The following SH3RF3 variants were observed in gnomAD, a reference collection of about 807,000 sequenced individuals.
The protein encoded by SH3RF3 is E3 ubiquitin-protein ligase SH3RF3.
A neutral mutation model predicts 66.3 loss-of-function variants in SH3RF3; 29 were observed. That is an observed-to-expected ratio of 0.44 (90% confidence interval 0.33 to 0.60). The LOEUF is 0.60. Ranked by LOEUF, SH3RF3 falls within the 20% of genes least tolerant of loss-of-function variation. The pLI, the probability that SH3RF3 is intolerant of heterozygous loss-of-function variation, is 0.04. For synonymous variants in SH3RF3, 583 were observed against 532.0 expected (o/e 1.10, Z -1.32); for missense variants, 1,194 against 1,190.9 (o/e 1.00, Z -0.04).
chr2:109,483,194 C>G (rs892872572), intron 8 of SH3RF3, among the ~76,000 whole-genome samples: 1 of 152,202 alleles, frequency 6.6e-6, no homozygotes. Flanking sequence ...TTACCTTTTC[C>G]CCATCTCCGA....
At chr2:109,250,788 A>G (rs1680070585) in intron 1 of SH3RF3, among the ~76,000 whole-genome samples, 2 of 151,950 alleles carry the variant, frequency 1.3e-5, no homozygotes, top group Admixed American at 6.5e-5. Flanking sequence ...AAAGTGCTTC[A>G]ATAGGGAATT....
intron 1 of SH3RF3, among the ~76,000 whole-genome samples, chr2:109,262,067 C>G (rs761419488): frequency 1.3e-5 from 2 of 152,224 alleles, no homozygotes; most frequent in Non-Finnish European, 2.9e-5. Context: ...CCAGCCCCAA[C>G]GGTGCCAGCA....
chr2:109,431,014 A>G (rs1024017801), intron 5 of SH3RF3, among the ~76,000 whole-genome samples: 5 of 152,228 alleles, frequency 3.3e-5, no homozygotes, highest in Non-Finnish European at 5.9e-5. Context: ...CAGATTTCAT[A>G]TTAAGGCCAA....
chr2:109,307,677 G>T (rs1210335097), intron 1 of SH3RF3, among the ~76,000 whole-genome samples: 2 of 145,192 alleles, frequency 1.4e-5, no homozygotes, highest in African/African-American at 2.7e-5. Flanking sequence ...TGTGGTGTTT[G>T]GTTTTTTGCT....
chr2:109,153,970 C>G (rs1328683350), intron 1 of SH3RF3, among the ~76,000 whole-genome samples: 1 of 152,206 alleles, frequency 6.6e-6, no homozygotes. Context: ...GACCACAGAG[C>G]ATTAAGCCAA....
chr2:109,300,495 A>G (rs924010194), intron 1 of SH3RF3, among the ~76,000 whole-genome samples: 2 of 152,132 alleles, frequency 1.3e-5, no homozygotes, highest in Non-Finnish European at 2.9e-5. Flanking sequence ...CTGAGTTTTT[A>G]TACCAGGTAA....
At position 109,179,342 on chromosome 2, in the gene SH3RF3, ACT is replaced by A. The variant is rs1352095091; in HGVS notation, c.573+49232_573+49233del. Among the ~76,000 whole-genome samples, 4 of 152,008 alleles carry A rather than the reference ACT, an allele frequency of 2.6e-5. No homozygotes were observed. In the East Asian group the frequency reaches 7.8e-4, roughly 29 times the overall value. On this transcript the variant is annotated intron_variant, in intron 1 of 9. Coordinates refer to ENST00000309415, the MANE Select transcript of SH3RF3 (RefSeq NM_001099289.3). ...TCAGAGCTGCTGACAGTGAGTCCAG[ACT>A]CTTCCTGTATTAGATGAAAAAGCAG...
chr2:109,301,200 T>G (rs144923172), intron 1 of SH3RF3, among the ~76,000 whole-genome samples: 1 of 152,196 alleles, frequency 6.6e-6, no homozygotes, highest in African/African-American at 2.4e-5. Flanking sequence ...CTGGTTCCTC[T>G]GCGCAGGCTG....
At chr2:109,155,191 G>A (rs1306159514) in intron 1 of SH3RF3, among the ~76,000 whole-genome samples, 2 of 152,208 alleles carry the variant, frequency 1.3e-5, no homozygotes, top group African/African-American at 4.8e-5. Flanking sequence ...TTGCTATGCT[G>A]ATGTTCAGTG....
At chr2:109,264,991 A>G (rs941812047) in intron 1 of SH3RF3, among the ~76,000 whole-genome samples, 6 of 152,198 alleles carry the variant, frequency 3.9e-5, no homozygotes, top group African/African-American at 9.6e-5. Context: ...AGATAGCCGC[A>G]TGCTCTGTCT....
intron 3 of SH3RF3, among the ~76,000 whole-genome samples, chr2:109,380,503 C>G (rs1683487869): frequency 2.0e-5 from 3 of 152,200 alleles, no homozygotes; most frequent in Admixed American, 1.3e-4. Flanking sequence ...CTAAATGGGT[C>G]TAAGCTGGGA....
intron 1 of SH3RF3, among the ~76,000 whole-genome samples, chr2:109,132,686 A>G (rs1269625957): frequency 6.6e-6 from 1 of 152,202 alleles, no homozygotes; most frequent in Non-Finnish European, 1.5e-5. Flanking sequence ...AGTGACCTTT[A>G]AACAGTCCTG....
intron 1 of SH3RF3, among the ~76,000 whole-genome samples, chr2:109,200,067 G>C (rs1175899394): frequency 6.6e-6 from 1 of 152,132 alleles, no homozygotes; most frequent in Non-Finnish European, 1.5e-5. Flanking sequence ...CCAGTGGCCA[G>C]GGTAAGAAAC....
chr2:109,452,093 C>T (rs1267467659), intron 8 of SH3RF3, among the ~76,000 whole-genome samples: 1 of 152,230 alleles, frequency 6.6e-6, no homozygotes, highest in Non-Finnish European at 1.5e-5. Flanking sequence ...ATCTGTGTTC[C>T]CACTTGAATT....
chr2:109,398,834 A>G lies in SH3RF3; in HGVS notation c.1190A>G (p.His397Arg). The change falls in exon 4 of 10, where the codon CAC becomes CGC. Residue 397 changes from histidine to arginine, a missense_variant. His to Arg is a conservative substitution (Grantham distance 29). Transcript: ENST00000309415. ...VTHRSSQAAS[H>R]RHSMEISAPV... ...CACAGATCCTCCCAGGCTGCCAGCC[A>G]CAGGCATTCCATGGAAATTAGTGCT... The G allele has an allele frequency of 6.2e-7, 1 of 1,613,976 alleles. No individual in the cohort carries two copies. The highest frequency in any genetic ancestry group is 8.5e-7 in the Non-Finnish European group (1 of 1,179,892).
intron 4 of SH3RF3, among the ~76,000 whole-genome samples, chr2:109,408,927 G>A (rs1392195547): frequency 6.6e-6 from 1 of 152,220 alleles, no homozygotes; most frequent in Non-Finnish European, 1.5e-5. Context: ...AAGGCCATGA[G>A]CGGAGGCCAT....
At chr2:109,280,832 G>A (rs367758679) in intron 1 of SH3RF3, among the ~76,000 whole-genome samples, 4 of 152,174 alleles carry the variant, frequency 2.6e-5, no homozygotes, top group East Asian at 1.9e-4. Context: ...AACAGTGGTC[G>A]GCTGTTTTAT....
chr2:109,473,169 A>G (rs1678570817), intron 8 of SH3RF3, among the ~76,000 whole-genome samples: 2 of 152,170 alleles, frequency 1.3e-5, no homozygotes, highest in African/African-American at 2.4e-5. Context: ...AAGCTCTGTG[A>G]TGGATTTTCC....
chr2:109,220,963 G>C (rs1679219061), intron 1 of SH3RF3, among the ~76,000 whole-genome samples: 2 of 152,198 alleles, frequency 1.3e-5, no homozygotes, highest in African/African-American at 4.8e-5. Flanking sequence ...ACAGATATGT[G>C]TACACCAATG....
Sources: allele counts gnomAD v4.1 joint callset (sites outside exome capture counted in the v4.1 genomes callset), GRCh38; gene constraint gnomAD v4.1.1; transcripts MANE v1.5; gene names NCBI Gene and HGNC (gene_info 2026-07-23, HGNC 2026-07-21).